The following TOX2 variants were observed in gnomAD, a reference collection of about 807,000 sequenced individuals.
TOX2 encodes the protein TOX high mobility group box family member 2, also known as granulosa cell HMG box 1.
Under a neutral mutation model 47.4 loss-of-function variants are expected in TOX2, and 15 were observed. That is an observed-to-expected ratio of 0.32 (90% CI 0.21 to 0.49). TOX2 has a LOEUF of 0.49. Among genes scored for constraint, TOX2 ranks in the 20% least tolerant of loss-of-function variants. TOX2 has a pLI of 0.99. For synonymous variants in TOX2, 290 were observed against 296.6 expected, an observed-to-expected ratio of 0.98 and a Z score of 0.23; for missense variants, 622 against 673.1, an observed-to-expected ratio of 0.92 and a Z score of 0.84.
intron 8 of TOX2, among the ~76,000 whole-genome samples, chr20:44,067,721 G>A (rs925785027): frequency 1.3e-5 from 2 of 152,158 alleles, no homozygotes; most frequent in Non-Finnish European, 2.9e-5. Flanking sequence ...CAACTCTGGG[G>A]AAGAGTGACC....
chr20:43,929,965 C>A (rs2069231802), intron 1 of TOX2, among the ~76,000 whole-genome samples: 1 of 152,214 alleles, frequency 6.6e-6, no homozygotes, highest in African/African-American at 2.4e-5. Flanking sequence ...GCCTCGGCCT[C>A]CCGAAGCGCT....
chr20:43,995,169 G>A (rs985104277), intron 2 of TOX2, among the ~76,000 whole-genome samples: 6 of 152,024 alleles, frequency 3.9e-5, no homozygotes, highest in African/African-American at 9.7e-5. Context: ...CAAGCAAAAG[G>A]CATAATTGTC....
At chr20:44,048,219 C>T (rs1016259963) in intron 3 of TOX2, among the ~76,000 whole-genome samples, 7 of 150,678 alleles carry the variant, frequency 4.6e-5, no homozygotes, top group Middle Eastern at 3.4e-3. Flanking sequence ...AGCAAGACTC[C>T]GTCACAAAAA....
intron 1 of TOX2, among the ~76,000 whole-genome samples, chr20:43,926,495 T>A (rs1346203890): frequency 1.3e-5 from 2 of 152,198 alleles, no homozygotes; most frequent in Non-Finnish European, 2.9e-5. Context: ...GTTAGGTCTG[T>A]GGGAGAGCAA....
In TOX2 at chr20:44,068,714, C is replaced by T. The variant is rs371044867; in HGVS notation, c.*28C>T. The T allele has an allele frequency of 4.5e-5, 72 of 1,613,750 alleles. No homozygotes were observed. Among genetic ancestry groups the T allele is most frequent in the Admixed American group, 1.3e-4 (8 of 59,986 alleles). On this transcript the variant is annotated 3_prime_UTR_variant, in exon 9 of 9. Coordinates refer to ENST00000341197, the MANE Select transcript of TOX2 (RefSeq NM_001098797.2). ...CCGCCTCCCTACCATCCCTGAGGCT[C>T]GCTGGAAGGCACTGCTCAGAGCCTG...
rs1600697016 is a variant in TOX2 at position 43,972,601 on chromosome 20, C to G, written c.100-766C>G. Among the ~76,000 whole-genome samples, 3 of 152,364 alleles carry G rather than the reference C, an allele frequency of 2.0e-5. No individual in the cohort carries two copies. In the South Asian group the frequency reaches 6.2e-4, roughly 32 times the overall value. ...GCAACATCCTATGAGGAGGGGCCTA[C>G]AGGCACCATCCCCATTTAACAGATG... On this transcript the variant is annotated intron_variant, in intron 1 of 8. Coordinates refer to ENST00000341197, the MANE Select transcript of TOX2 (RefSeq NM_001098797.2).
chr20:44,048,786 T>TAAAG (rs1600782346), intron 3 of TOX2, among the ~76,000 whole-genome samples: 1 of 151,814 alleles, frequency 6.6e-6, no homozygotes, highest in Admixed American at 6.6e-5. Context: ...AGATACTTAA[T>TAAAG]AAAGAGTTTA....
At chr20:43,981,600 G>A (rs2070170164) in intron 2 of TOX2, among the ~76,000 whole-genome samples, 2 of 152,198 alleles carry the variant, frequency 1.3e-5, no homozygotes, top group Non-Finnish European at 2.9e-5. Flanking sequence ...TATGTTTAGG[G>A]AGTTTTAAAC....
chr20:43,938,036 G>C (rs2069350307), intron 1 of TOX2, among the ~76,000 whole-genome samples: 1 of 152,098 alleles, frequency 6.6e-6, no homozygotes, highest in Non-Finnish European at 1.5e-5. Flanking sequence ...ATCCTCCCTG[G>C]GTCAAGTGAA....
intron 2 of TOX2, among the ~76,000 whole-genome samples, chr20:43,999,211 TGCC>T (rs2070534189): frequency 6.6e-6 from 1 of 152,372 alleles, no homozygotes; most frequent in Admixed American, 6.5e-5. Context: ...GTCTTAATGC[TGCC>T]ATTTTATGAA....
chr20:44,026,228 G>GAGATATATATAT (rs1555842268), intron 3 of TOX2, among the ~76,000 whole-genome samples: 11 of 60,258 alleles, frequency 1.8e-4, no homozygotes, highest in East Asian at 1.3e-3. Context: ...AAGAAACTGT[G>GAGATATATATAT]ATATATATAT....
intron 1 of TOX2, among the ~76,000 whole-genome samples, chr20:43,931,882 C>T (rs1011675714): frequency 5.3e-5 from 8 of 152,294 alleles, no homozygotes; most frequent in Admixed American, 5.2e-4. Context: ...AGCCATATTT[C>T]GAGTACTCGC....
At chr20:43,925,658 A>G (rs1201825450) in intron 1 of TOX2, among the ~76,000 whole-genome samples, 7 of 152,146 alleles carry the variant, frequency 4.6e-5, no homozygotes, top group Non-Finnish European at 1.0e-4. Flanking sequence ...GGGTTCAGTT[A>G]GGTGTTGGGT....
chr20:43,927,054 G>A (rs1600652507), intron 1 of TOX2, among the ~76,000 whole-genome samples: 1 of 152,302 alleles, frequency 6.6e-6, no homozygotes, highest in East Asian at 1.9e-4. Flanking sequence ...TAACAATTCC[G>A]TAGGCTTAGC....
chr20:44,040,468 A>G (rs1424226489), intron 3 of TOX2, among the ~76,000 whole-genome samples: 1 of 152,124 alleles, frequency 6.6e-6, no homozygotes, highest in Non-Finnish European at 1.5e-5. Context: ...GTCTTGGGGA[A>G]GGCATCATAA....
chr20:43,916,835 A>C lies in TOX2; in HGVS notation c.99+1845A>C, dbSNP rs945264791. ...GGGTGGTGTTTCTATAAATCTCGCC[A>C]GGGTGGGGCTGTCCCAAATAGGGGC... On this transcript the variant is annotated intron_variant, in intron 1 of 8. Coordinates refer to ENST00000341197, the MANE Select transcript of TOX2 (RefSeq NM_001098797.2). This position sits in a 1 kb window ranked among gnomAD's most constrained non-coding sequence, Gnocchi z 5.0. Among the ~76,000 whole-genome samples, 3 of 152,168 alleles carry C rather than the reference A, an allele frequency of 2.0e-5. No homozygotes were observed. The highest frequency in any genetic ancestry group is 4.8e-5 in the African/African-American group (2 of 41,436).
rs148350238 is a variant in TOX2 at position 43,996,412 on chromosome 20, G to A, written c.166-10135G>A. Among the ~76,000 whole-genome samples the A allele has an allele frequency of 5.9e-5, 9 of 152,344 alleles. No homozygotes were observed. In the South Asian group the frequency reaches 6.2e-4, roughly 11 times the overall value. ...TTAACGTGACACTGGAACAAGAGGC[G>A]TGGAGCAGGCCTGCCCTGGCCTAGC... On this transcript the variant is annotated intron_variant, in intron 2 of 8. Coordinates refer to ENST00000341197, the MANE Select transcript of TOX2 (RefSeq NM_001098797.2).
Position 43,957,566 on chromosome 20 carries a change from T to TC in TOX2, c.100-15800dup, listed in dbSNP as rs1223367149. Reference sequence around the variant, plus strand: ...GTTACCTGGCATAAAGTAAATGCCCTCTTTTTTTTTTTTTTTTTTTTGGCT... The same window carrying TC: ...GTTACCTGGCATAAAGTAAATGCCCTCCTTTTTTTTTTTTTTTTTTTTGGCT... On this transcript the variant is annotated intron_variant, in intron 1 of 8. Coordinates refer to ENST00000341197, the MANE Select transcript of TOX2 (RefSeq NM_001098797.2). Among the ~76,000 whole-genome samples, 17 of 133,526 alleles carry TC rather than the reference T, an allele frequency of 1.3e-4. No homozygotes were observed. The East Asian group carries it at 3.8e-3, about 30-fold the overall frequency. The allele number at this position is 133,526 out of a possible 152,430, so 87.6% of individuals were successfully genotyped here. A position where few individuals can be genotyped will look rare whatever the true frequency, so the allele number is the denominator to read the frequency against.
At chr20:44,001,567 A>AT (rs2070583463) in intron 2 of TOX2, among the ~76,000 whole-genome samples, 1 of 152,116 alleles carries the variant, frequency 6.6e-6, no homozygotes, top group Admixed American at 6.5e-5. Flanking sequence ...GCATATGCTT[A>AT]TTTTTTCAAA....
Sources: allele counts gnomAD v4.1 joint callset (sites outside exome capture counted in the v4.1 genomes callset), GRCh38; gene constraint gnomAD v4.1.1; non-coding constraint Gnocchi (gnomAD v3.1); transcripts MANE v1.5; gene names NCBI Gene and HGNC (gene_info 2026-07-23, HGNC 2026-07-21).